Variants in PLAAT1 observed in about 807,000 individuals in gnomAD.
The protein encoded by PLAAT1 is H-REV107 protein-related protein.
PLAAT1 carries 13 observed loss-of-function variants against 16.4 expected under a neutral mutation model. The observed-to-expected ratio is 0.79, with a 90% CI of 0.52 to 1.26. The LOEUF (loss-of-function observed/expected upper bound fraction) is 1.26. Among genes scored for constraint, PLAAT1 ranks in the 50% most tolerant of loss-of-function variants. The pLI is 0.00. For missense variants in PLAAT1, 218 were observed against 207.8 expected, an observed-to-expected ratio of 1.05 and a Z score of -0.30; for synonymous variants, 73 against 78.4, an observed-to-expected ratio of 0.93 and a Z score of 0.36.
chr3:193,270,967 C>T, downstream of PLAAT1: 1 of 522,988 alleles, frequency 1.9e-6, no homozygotes, highest in Non-Finnish European at 2.6e-6. Flanking sequence ...AACAAAATCT[C>T]ATCACATTTT....
chr3:193,266,059 G>T (rs1311822549), intron 3 of PLAAT1, among the ~76,000 whole-genome samples: 1 of 152,190 alleles, frequency 6.6e-6, no homozygotes. Context: ...TATGATTAAT[G>T]ATACTATGTT....
chr3:193,253,556 AG>A (rs1261999571), intron 1 of PLAAT1, among the ~76,000 whole-genome samples: 3 of 152,112 alleles, frequency 2.0e-5, no homozygotes, highest in African/African-American at 4.8e-5. Flanking sequence ...CAGCTCCCTA[AG>A]GGTTACTTGC....
chr3:193,258,393 AAAAT>A (rs1263716703), intron 2 of PLAAT1, among the ~76,000 whole-genome samples: 1 of 152,190 alleles, frequency 6.6e-6, no homozygotes, highest in Non-Finnish European at 1.5e-5. Flanking sequence ...CTAGCAGGAC[AAAAT>A]AAATCTAAAA....
chr3:193,245,240 CTCTATT>C (rs921091583), intron 1 of PLAAT1, among the ~76,000 whole-genome samples: 12 of 152,154 alleles, frequency 7.9e-5, no homozygotes, highest in African/African-American at 2.9e-4. Flanking sequence ...GACCTCTGTA[CTCTATT>C]TCTATGAGGT....
chr3:193,241,147 T>G (rs1715715416), upstream of PLAAT1: 10 of 1,136,002 alleles, frequency 8.8e-6, no homozygotes, highest in Middle Eastern at 1.3e-3. Flanking sequence ...CGGGCGAAGC[T>G]GGGCTCGGGG....
Position 193,250,849 on chromosome 3 carries a change from G to T in PLAAT1, c.1-4802G>T, listed in dbSNP as rs144344961. 2.9e-5 allele frequency among the ~76,000 whole-genome samples: 3 copies of T among 104,918 alleles called. No homozygotes were observed. In the Admixed American group the frequency reaches 3.4e-4, roughly 12 times the overall value. 68.8% of individuals were successfully genotyped at this position (104,918 alleles called of 152,430 possible). A position where few individuals can be genotyped will look rare whatever the true frequency, so the allele number is the denominator to read the frequency against. ...GCCCTGCCCTATCCCCCCCACCCCCGCACCTTTTTCCAATTGGAGATTAAA... is the reference window on the plus strand; with the variant it reads ...GCCCTGCCCTATCCCCCCCACCCCCTCACCTTTTTCCAATTGGAGATTAAA... On this transcript the variant is annotated intron_variant, in intron 1 of 3. Coordinates refer to ENST00000264735, the MANE Select transcript of PLAAT1 (RefSeq NM_020386.5).
In PLAAT1 at chr3:193,261,504, G is replaced by A. The variant is rs937070477; in HGVS notation, c.140-1466G>A. On this transcript the variant is annotated intron_variant, in intron 2 of 3. Transcript: ENST00000264735. The stretch of plus-strand genomic sequence containing the variant: ...AGACTTTTTAATGAAGTGGTTTTTT[G>A]CAACATTTTAAAGTATTTGCCTCTT... 3.3e-5 allele frequency among the ~76,000 whole-genome samples: 5 copies of A among 151,878 alleles called. No homozygotes were observed. The East Asian group carries it at 7.7e-4, about 23-fold the overall frequency.
At chr3:193,265,672 G>A (rs1219781880) in intron 3 of PLAAT1, among the ~76,000 whole-genome samples, 1 of 151,966 alleles carries the variant, frequency 6.6e-6, no homozygotes, top group African/African-American at 2.4e-5. Context: ...AAAAGGTTTG[G>A]GAAAATGGGA....
intron 2 of PLAAT1, among the ~76,000 whole-genome samples, chr3:193,277,344 C>T (rs1717267289): frequency 6.6e-6 from 1 of 152,152 alleles, no homozygotes; most frequent in Admixed American, 6.5e-5. Context: ...ACCCTCCAAA[C>T]CCACCAGTTT....
At chr3:193,244,334 C>A (rs1287865089) in intron 1 of PLAAT1, among the ~76,000 whole-genome samples, 1 of 152,110 alleles carries the variant, frequency 6.6e-6, no homozygotes, top group Non-Finnish European at 1.5e-5. Context: ...TCCAGAGTAG[C>A]TACACATTCC....
intron 2 of PLAAT1, among the ~76,000 whole-genome samples, chr3:193,262,509 G>C (rs1716621861): frequency 6.6e-6 from 1 of 152,090 alleles, no homozygotes; most frequent in Non-Finnish European, 1.5e-5. Flanking sequence ...CGCTTAGGGA[G>C]CTTAGATACT....
At chr3:193,245,513 T>C (rs1715948887) in intron 1 of PLAAT1, among the ~76,000 whole-genome samples, 1 of 152,216 alleles carries the variant, frequency 6.6e-6, no homozygotes, top group Non-Finnish European at 1.5e-5. Flanking sequence ...GGTGCAGATA[T>C]CTCTTCAACG....
At chr3:193,276,702 A>T in intron 2 of PLAAT1, 2 of 1,346,908 alleles carry the variant, frequency 1.5e-6, no homozygotes, top group South Asian at 2.5e-5. Context: ...TGAAAATGAG[A>T]TCCTTAATTT....
rs960739547 is a variant in PLAAT1, at chr3:193,242,936, A to T, written c.-1+1403A>T. 2.6e-5 allele frequency among the ~76,000 whole-genome samples: 4 copies of T among 152,288 alleles called. No homozygotes were observed. In the East Asian group the frequency reaches 7.7e-4, roughly 29 times the overall value. ...AGTAACATTCTTGGGAGTAGTTGTT[A>T]AAAAAGTGCTCTTCGTGTTTCTGTA... On this transcript the variant is annotated intron_variant, in intron 1 of 3. Transcript: ENST00000264735.
At chr3:193,270,342 T>C (rs1408985111) in intron 3 of PLAAT1, among the ~76,000 whole-genome samples, 1 of 152,234 alleles carries the variant, frequency 6.6e-6, no homozygotes, top group Non-Finnish European at 1.5e-5. Flanking sequence ...TGTTCATAAT[T>C]AGTTTATAAA....
upstream of PLAAT1, among the ~76,000 whole-genome samples, chr3:193,240,713 G>A (rs1242040689): frequency 5.5e-5 from 8 of 145,708 alleles, no homozygotes; most frequent in Non-Finnish European, 9.1e-5. Flanking sequence ...GCTATCTGGC[G>A]TGTGTGTGTG....
intron 1 of PLAAT1, among the ~76,000 whole-genome samples, chr3:193,245,326 C>T (rs1170696055): frequency 2.6e-5 from 4 of 152,148 alleles, no homozygotes; most frequent in Non-Finnish European, 4.4e-5. Context: ...TTTCACTTAG[C>T]ACAGTGTTCC....
chr3:193,251,965 C>A (rs112595498), intron 1 of PLAAT1, among the ~76,000 whole-genome samples: 1,699 of 152,194 alleles, frequency 0.011, 18 homozygotes, highest in Middle Eastern at 0.024. Flanking sequence ...GCTTCCTTGA[C>A]ATCTATGTAT....
chr3:193,272,419 G>A (rs1717010813), downstream of PLAAT1, among the ~76,000 whole-genome samples: 1 of 152,006 alleles, frequency 6.6e-6, no homozygotes, highest in Non-Finnish European at 1.5e-5. Context: ...TCCAGCCTGG[G>A]CGACGACAGA....
Sources: allele counts gnomAD v4.1 joint callset (sites outside exome capture counted in the v4.1 genomes callset), GRCh38; gene constraint gnomAD v4.1.1; transcripts MANE v1.5; gene names NCBI Gene and HGNC (gene_info 2026-07-23, HGNC 2026-07-21).